GPC5: variants seen among roughly 807,000 people sequenced by gnomAD.
GPC5 encodes the protein glypican-5.
A neutral mutation model predicts 53.9 loss-of-function variants in GPC5; 47 were observed. The ratio of observed to expected loss-of-function variants is 0.87; its 90% CI spans 0.69 to 1.11. GPC5 has a LOEUF of 1.11. GPC5 is among the 50% of genes most tolerant of loss of function. The pLI, the probability that GPC5 is intolerant of heterozygous loss-of-function variation, is 0.00. For missense variants in GPC5, 748 were observed against 713.1 expected (o/e 1.05, Z -0.56); for synonymous variants, 286 against 263.3 (o/e 1.09, Z -0.84).
intron 7 of GPC5, among the ~76,000 whole-genome samples, chr13:92,784,573 A>ATATT (rs1876147289): frequency 6.6e-6 from 1 of 152,136 alleles, no homozygotes; most frequent in Non-Finnish European, 1.5e-5. Flanking sequence ...CTTTCCATCA[A>ATATT]TATTAAAGAT....
chr13:91,875,254 G>A (rs1244315020), intron 5 of GPC5, among the ~76,000 whole-genome samples: 1 of 152,096 alleles, frequency 6.6e-6, no homozygotes, highest in Non-Finnish European at 1.5e-5. Context: ...TTCTGATGAG[G>A]CTTGACAATT....
At chr13:92,508,183 T>C (rs1354045000) in intron 7 of GPC5, among the ~76,000 whole-genome samples, 2 of 152,144 alleles carry the variant, frequency 1.3e-5, no homozygotes, top group Non-Finnish European at 2.9e-5. Context: ...AGGATGGTCT[T>C]GATCCCATGA....
chr13:92,414,881 T>C (rs978129754), intron 7 of GPC5, among the ~76,000 whole-genome samples: 8 of 152,148 alleles, frequency 5.3e-5, no homozygotes, highest in Admixed American at 6.5e-5. Context: ...CCTTTTGACC[T>C]TGTTACCTCC....
At chr13:92,496,247 C>T (rs1021665798) in intron 7 of GPC5, among the ~76,000 whole-genome samples, 1 of 151,922 alleles carries the variant, frequency 6.6e-6, no homozygotes, top group African/African-American at 2.4e-5. Context: ...ATTATGTATT[C>T]AAAATCAATT....
chr13:91,647,533 C>T (rs2034591280), intron 2 of GPC5, among the ~76,000 whole-genome samples: 1 of 152,236 alleles, frequency 6.6e-6, no homozygotes, highest in Non-Finnish European at 1.5e-5. Flanking sequence ...CCTGAGGCCA[C>T]ACCTTTCCGT....
chr13:92,285,021 A>C (rs372244994), intron 7 of GPC5, among the ~76,000 whole-genome samples: 1 of 152,080 alleles, frequency 6.6e-6, no homozygotes, highest in African/African-American at 2.4e-5. Flanking sequence ...ATCTCTTTAC[A>C]CTGATAAGCA....
rs1297533710 is a variant in GPC5 at position 92,381,259 on chromosome 13, A to G, written c.1561+236270A>G. ...GAGGTCTAGGGTCTGCCATATACTA[A>G]CTGCCTCTAGTTTTGCAAACTACAT... On this transcript the variant is annotated intron_variant, in intron 7 of 7. Transcript: ENST00000377067. 2.0e-5 allele frequency among the ~76,000 whole-genome samples: 3 copies of G among 152,160 alleles called. No individual in the cohort carries two copies. In the East Asian group the frequency reaches 5.8e-4, roughly 29 times the overall value.
At position 92,381,962 on chromosome 13, in the gene GPC5, G is replaced by GTATGTATCTATC. The variant is rs1555331686; in HGVS notation, c.1561+236976_1561+236977insGTATCTATCTAT. Among the ~76,000 whole-genome samples, 657 of 126,286 alleles carry GTATGTATCTATC rather than the reference G, an allele frequency of 5.2e-3. 4 individuals carry two copies. Among genetic ancestry groups the GTATGTATCTATC allele is most frequent in the East Asian group, 7.6e-3 (31 of 4,100 alleles). 82.8% of individuals were successfully genotyped at this position (126,286 alleles called of 152,430 possible). Reference sequence around the variant, plus strand: ...TATGAAATAATATCTATGTATGTATGTATCTATCTATCTATCTATCTATCT... The same window carrying GTATGTATCTATC: ...TATGAAATAATATCTATGTATGTATGTATGTATCTATCTATCTATCTATCTATCTATCTATCT... On this transcript the variant is annotated intron_variant, in intron 7 of 7. Coordinates refer to ENST00000377067, the MANE Select transcript of GPC5 (RefSeq NM_004466.6).
intron 6 of GPC5, among the ~76,000 whole-genome samples, chr13:92,120,559 A>G (rs760526027): frequency 2.0e-5 from 3 of 152,158 alleles, no homozygotes; most frequent in African/African-American, 7.2e-5. Context: ...CCTAATGACT[A>G]TTTTTGAAAA....
intron 6 of GPC5, among the ~76,000 whole-genome samples, chr13:91,945,218 A>C (rs1356298880): frequency 1.3e-5 from 2 of 152,110 alleles, no homozygotes; most frequent in Non-Finnish European, 2.9e-5. Flanking sequence ...TTTCTCACTT[A>C]CACCCTTTAC....
intron 1 of GPC5, among the ~76,000 whole-genome samples, chr13:91,406,789 G>T (rs563328565): frequency 1.3e-4 from 20 of 152,184 alleles, no homozygotes; most frequent in African/African-American, 4.3e-4. Flanking sequence ...CTGTTGTGAG[G>T]GACTTCGCCT....
rs752907631 is a variant in GPC5 at position 91,750,674 on chromosome 13, CTTTTTTTTTT to C, written c.1155-5607_1155-5598del. Among the ~76,000 whole-genome samples, 3 of 82,028 alleles carry C rather than the reference CTTTTTTTTTT, an allele frequency of 3.7e-5. 1 individual carries two copies. The highest frequency in any genetic ancestry group is 6.6e-5 in the Non-Finnish European group (3 of 45,376). 53.8% of individuals were successfully genotyped at this position (82,028 alleles called of 152,430 possible). A position where few individuals can be genotyped will look rare whatever the true frequency, so the allele number is the denominator to read the frequency against. On this transcript the variant is annotated intron_variant, in intron 4 of 7. Coordinates refer to ENST00000377067, the MANE Select transcript of GPC5 (RefSeq NM_004466.6). ...TTTGCTCTGTGGTAGTAGGTAAGTCCTTTTTTTTTTTTTTTTTTTTTTTGAGATGGAGTTT... is the reference window on the plus strand; with the variant it reads ...TTTGCTCTGTGGTAGTAGGTAAGTCCTTTTTTTTTTTTTGAGATGGAGTTT...
In GPC5 at chr13:92,477,024, C is replaced by T. The variant is rs1052527038; in HGVS notation, c.1561+332035C>T. ...CTAACCTGCACAATGTGCACATGTA[C>T]CCTAAAACTTAAAGTATAATAATAA... On this transcript the variant is annotated intron_variant, in intron 7 of 7. Coordinates refer to ENST00000377067, the MANE Select transcript of GPC5 (RefSeq NM_004466.6). Among the ~76,000 whole-genome samples the T allele has an allele frequency of 4.8e-5, 7 of 146,840 alleles. No homozygotes were observed. The South Asian group carries it at 1.3e-3, about 27-fold the overall frequency.
chr13:92,820,431 A>G (rs1431485976), intron 7 of GPC5, among the ~76,000 whole-genome samples: 3 of 152,130 alleles, frequency 2.0e-5, no homozygotes, highest in Non-Finnish European at 2.9e-5. Flanking sequence ...CATCTTGTTC[A>G]CAGCCCTTCT....
At chr13:92,699,707 G>C (rs972912930) in intron 7 of GPC5, among the ~76,000 whole-genome samples, 19 of 152,206 alleles carry the variant, frequency 1.2e-4, no homozygotes, top group Non-Finnish European at 2.6e-4. Context: ...TTCAGGAGCA[G>C]GTTGTTCAGT....
At chr13:91,423,661 A>G (rs1878804669) in intron 1 of GPC5, among the ~76,000 whole-genome samples, 1 of 152,216 alleles carries the variant, frequency 6.6e-6, no homozygotes, top group African/African-American at 2.4e-5. Context: ...CTAGGGATCT[A>G]TTGCACAGCA....
At chr13:92,627,172 C>G (rs1437843103) in intron 7 of GPC5, among the ~76,000 whole-genome samples, 4 of 152,130 alleles carry the variant, frequency 2.6e-5, no homozygotes, top group African/African-American at 9.7e-5. Flanking sequence ...ACCTGTAGTC[C>G]TTTTAGAAGA....
intron 2 of GPC5, among the ~76,000 whole-genome samples, chr13:91,462,028 T>G (rs1341736065): frequency 6.6e-5 from 10 of 152,258 alleles, no homozygotes; most frequent in Middle Eastern, 3.4e-3. Flanking sequence ...AAATGAAATT[T>G]CAGATTGTAT....
chr13:92,017,995 C>T (rs1165461173), intron 6 of GPC5, among the ~76,000 whole-genome samples: 6 of 151,624 alleles, frequency 4.0e-5, no homozygotes, highest in African/African-American at 1.2e-4. Flanking sequence ...CACACACACA[C>T]ACGAGTACAC....
Sources: gnomAD v4.1 joint callset for allele counts (sites outside exome capture counted in the v4.1 genomes callset) on GRCh38, gnomAD v4.1.1 for gene constraint, MANE v1.5 for transcripts, NCBI Gene and HGNC (gene_info 2026-07-23, HGNC 2026-07-21) for gene names.